PANX1: variants seen among roughly 807,000 people sequenced by gnomAD.
PANX1 encodes pannexin 1, also known as pannexin-1.
In PANX1, 30 loss-of-function variants were observed where a neutral mutation model predicts 38.7. That is an observed-to-expected ratio of 0.78 (90% confidence interval 0.58 to 1.05). The LOEUF (loss-of-function observed/expected upper bound fraction) is 1.05, where lower values mean the gene tolerates loss of function less well. Among genes scored for constraint, PANX1 ranks in the 50% least tolerant of loss-of-function variants. The pLI, the probability that PANX1 is intolerant of heterozygous loss-of-function variation, is 0.00. For synonymous variants in PANX1, 230 were observed against 212.2 expected (o/e 1.08, Z -0.73); for missense variants, 551 against 517.2 (o/e 1.07, Z -0.63).
At chr11:94,154,622 A>G (rs1008021411) in intron 2 of PANX1, among the ~76,000 whole-genome samples, 10 of 152,206 alleles carry the variant, frequency 6.6e-5, no homozygotes, top group Admixed American at 6.5e-5. Context: ...CGTAAAAGGA[A>G]TGATTTAAGG....
chr11:94,141,069 T>C (rs976533272), intron 1 of PANX1, among the ~76,000 whole-genome samples: 1 of 152,162 alleles, frequency 6.6e-6, no homozygotes, highest in African/African-American at 2.4e-5. Flanking sequence ...AGTAACAACG[T>C]AGTATCGTGA....
intron 1 of PANX1, among the ~76,000 whole-genome samples, chr11:94,145,263 T>C (rs1360239180): frequency 3.9e-5 from 6 of 152,180 alleles, no homozygotes; most frequent in Non-Finnish European, 2.9e-5. Context: ...TTAGTCCTTA[T>C]ATGTGTAACT....
rs990211898 is a variant in PANX1, at chr11:94,181,463, C to G, written c.*594C>G. 3.3e-5 allele frequency: 5 copies of G among 152,556 alleles called. No homozygotes were observed. The highest frequency in any genetic ancestry group is 9.7e-5 in the African/African-American group (4 of 41,444). 9.5% of individuals were successfully genotyped at this position (152,556 alleles called of 1,614,324 possible). ...TGTCAACCTTGGCTGATGGAAATCC[C>G]GTAACCACTATTTGTTGCACTGTGC... On this transcript the variant is annotated 3_prime_UTR_variant, in exon 5 of 5. Transcript: ENST00000227638.
At chr11:94,156,604 G>T (rs531505680) in intron 2 of PANX1, among the ~76,000 whole-genome samples, 1 of 151,956 alleles carries the variant, frequency 6.6e-6, no homozygotes, top group Non-Finnish European at 1.5e-5. Context: ...CAGAGATCGG[G>T]GATTACGAGT....
chr11:94,146,909 A>G (rs925815134), intron 1 of PANX1, among the ~76,000 whole-genome samples: 12 of 152,212 alleles, frequency 7.9e-5, no homozygotes, highest in African/African-American at 2.9e-4. Flanking sequence ...AACTTTAGTA[A>G]TTGCACTAGA....
At chr11:94,165,210 T>C (rs1947089262) in intron 2 of PANX1, among the ~76,000 whole-genome samples, 1 of 152,118 alleles carries the variant, frequency 6.6e-6, no homozygotes, top group South Asian at 2.1e-4. Context: ...TACTGCAATT[T>C]TGTTATTTGT....
rs562146849 is a variant in PANX1, at chr11:94,156,431, A to G, written c.321+2801A>G. 4.6e-5 allele frequency among the ~76,000 whole-genome samples: 7 copies of G among 152,282 alleles called. 1 individual carries two copies. In the South Asian group the frequency reaches 1.5e-3, roughly 32 times the overall value. ...TTCACAAGGCTGGGGACAGAAATTGAAGTCAGGACCTGCCACGTTGGAAGG... is the reference window on the plus strand; with the variant it reads ...TTCACAAGGCTGGGGACAGAAATTGGAGTCAGGACCTGCCACGTTGGAAGG... On this transcript the variant is annotated intron_variant, in intron 2 of 4. Coordinates refer to ENST00000227638, the MANE Select transcript of PANX1 (RefSeq NM_015368.4).
intron 2 of PANX1, among the ~76,000 whole-genome samples, chr11:94,155,838 A>G (rs1309769452): frequency 6.6e-6 from 1 of 152,052 alleles, no homozygotes; most frequent in African/African-American, 2.4e-5. Flanking sequence ...TTTTCTCTTT[A>G]TTTTCAGCCA....
At chr11:94,151,915 G>A (rs1378478329) in intron 1 of PANX1, among the ~76,000 whole-genome samples, 1 of 152,156 alleles carries the variant, frequency 6.6e-6, no homozygotes, top group African/African-American at 2.4e-5. Context: ...GGCCCCTGAT[G>A]GGGAAGAAAT....
chr11:94,165,226 GGTT>G (rs1947089350), intron 2 of PANX1, among the ~76,000 whole-genome samples: 2 of 150,974 alleles, frequency 1.3e-5, no homozygotes, highest in South Asian at 4.2e-4. Context: ...TTTGTTTTCT[GGTT>G]GTTTTGTTAG....
At chr11:94,134,007 C>T (rs1447075221) in intron 1 of PANX1, among the ~76,000 whole-genome samples, 1 of 150,814 alleles carries the variant, frequency 6.6e-6, no homozygotes, top group Non-Finnish European at 1.5e-5. Flanking sequence ...GTCCTGGCCA[C>T]CTCCCAGACA....
At chr11:94,145,355 AAAAATTGCATAG>A (rs1484055390) in intron 1 of PANX1, among the ~76,000 whole-genome samples, 1 of 152,240 alleles carries the variant, frequency 6.6e-6, no homozygotes, top group Non-Finnish European at 1.5e-5. Flanking sequence ...TGGTTTAAAA[AAAAATTGCATAG>A]ATTTTTGAGT....
At chr11:94,146,709 C>T (rs542949843) in intron 1 of PANX1, among the ~76,000 whole-genome samples, 19 of 152,234 alleles carry the variant, frequency 1.2e-4, no homozygotes, top group African/African-American at 3.6e-4. Flanking sequence ...AGGTGGTGCT[C>T]GCCACACACA....
At chr11:94,145,859 G>A (rs992876839) in intron 1 of PANX1, among the ~76,000 whole-genome samples, 3 of 152,218 alleles carry the variant, frequency 2.0e-5, no homozygotes, top group Non-Finnish European at 4.4e-5. Context: ...ATGGGATGGG[G>A]GAAGATGAAG....
In PANX1 at chr11:94,141,923, C is replaced by T. The variant is rs368600850; in HGVS notation, c.182-11568C>T. On this transcript the variant is annotated intron_variant, in intron 1 of 4. Coordinates refer to ENST00000227638, the MANE Select transcript of PANX1 (RefSeq NM_015368.4). ...TGTCTGGTACGTAGGAAGCACTCAG[C>T]GCAGGTTAGCTGCTAAACATCCCCT... Among the ~76,000 whole-genome samples the T allele has an allele frequency of 2.6e-5, 4 of 152,162 alleles. No individual in the cohort carries two copies. The East Asian group carries it at 5.8e-4, about 22-fold the overall frequency.
intron 1 of PANX1, among the ~76,000 whole-genome samples, chr11:94,143,343 CAGAT>C (rs1946786866): frequency 6.6e-6 from 1 of 152,162 alleles, no homozygotes; most frequent in South Asian, 2.1e-4. Context: ...GAGGATAAGA[CAGAT>C]GGGTAAACAA....
At chr11:94,157,392 G>A (rs561876253) in intron 2 of PANX1, among the ~76,000 whole-genome samples, 10 of 152,178 alleles carry the variant, frequency 6.6e-5, no homozygotes, top group Non-Finnish European at 1.2e-4. Context: ...CTCCTCTCCC[G>A]CACCTGTTGT....
chr11:94,167,779 A>G (rs920797745), intron 2 of PANX1, among the ~76,000 whole-genome samples: 32 of 152,252 alleles, frequency 2.1e-4, no homozygotes, highest in African/African-American at 7.0e-4. Context: ...GCTGGAATGT[A>G]TGTGCAGTGG....
chr11:94,146,573 T>C (rs910780430), intron 1 of PANX1, among the ~76,000 whole-genome samples: 5 of 152,202 alleles, frequency 3.3e-5, no homozygotes, highest in African/African-American at 1.2e-4. Context: ...GGTCATCCAA[T>C]GCTCCCAGGG....
Sources: gnomAD v4.1 joint callset for allele counts (sites outside exome capture counted in the v4.1 genomes callset) on GRCh38, gnomAD v4.1.1 for gene constraint, MANE v1.5 for transcripts, NCBI Gene and HGNC (gene_info 2026-07-23, HGNC 2026-07-21) for gene names.